Variants in FBXL13 observed in about 807,000 individuals in gnomAD.
FBXL13 encodes F-box and leucine-rich repeat protein 13.
In FBXL13, 67 loss-of-function variants were observed where a neutral mutation model predicts 83.6. The observed-to-expected ratio is 0.80, with a 90% CI of 0.66 to 0.98. The LOEUF (loss-of-function observed/expected upper bound fraction) is 0.98, where lower values mean the gene tolerates loss of function less well. Among genes scored for constraint, FBXL13 ranks in the 50% least tolerant of loss-of-function variants. The pLI is 0.00. For synonymous variants in FBXL13, 272 were observed against 299.5 expected, an observed-to-expected ratio of 0.91 and a Z score of 0.95; for missense variants, 822 against 866.5, an observed-to-expected ratio of 0.95 and a Z score of 0.64.
intron 5 of FBXL13, among the ~76,000 whole-genome samples, chr7:103,025,957 A>G (rs1413935607): frequency 6.6e-6 from 1 of 151,398 alleles, no homozygotes; most frequent in Non-Finnish European, 1.5e-5. Flanking sequence ...ATCTAGAAAA[A>G]AAGTTCTCTA....
intron 6 of FBXL13, among the ~76,000 whole-genome samples, chr7:103,018,577 CAATTTCACATGCAGAGGCA>C (rs1792684769): frequency 6.6e-6 from 1 of 152,076 alleles, no homozygotes; most frequent in African/African-American, 2.4e-5. Flanking sequence ...TTCAGGAAAC[CAATTTCACATGCAGAGGCA>C]CACATAGGCT....
intron 9 of FBXL13, among the ~76,000 whole-genome samples, chr7:102,931,284 G>A (rs1322917359): frequency 3.9e-5 from 6 of 152,224 alleles, no homozygotes; most frequent in African/African-American, 1.2e-4. Flanking sequence ...GGCTGGAAAG[G>A]GAGGCAGAGG....
chr7:102,971,805 C>G (rs1321365444), intron 6 of FBXL13, among the ~76,000 whole-genome samples: 1 of 152,018 alleles, frequency 6.6e-6, no homozygotes, highest in Admixed American at 6.6e-5. Context: ...GTGGGCGGAT[C>G]ACCTGAGGTC....
At position 102,934,285 on chromosome 7, in the gene FBXL13, G is replaced by A. The variant is rs767789939; in HGVS notation, c.725-2352C>T. 25 of 1,613,950 alleles carry A rather than the reference G, an allele frequency of 1.5e-5. No individual in the cohort carries two copies. In the Admixed American group the frequency reaches 1.8e-4, roughly 12 times the overall value. Reference sequence around the variant, plus strand: ...AGATCTCTAAAATTGAGAGTGAGGCGTTCTTTGGTTTAAACAAACTCACCA... The same window carrying A: ...AGATCTCTAAAATTGAGAGTGAGGCATTCTTTGGTTTAAACAAACTCACCA... On this transcript the variant is annotated intron_variant, in intron 8 of 19. Coordinates refer to ENST00000313221, the Ensembl canonical transcript of FBXL13.
At chr7:103,042,558 G>A (rs890550151) in intron 2 of FBXL13, among the ~76,000 whole-genome samples, 1 of 151,484 alleles carries the variant, frequency 6.6e-6, no homozygotes. Flanking sequence ...GCATCATGGA[G>A]ACTTCAAACT....
rs141998126 is a variant in FBXL13 at position 103,049,418 on chromosome 7, A to G, written c.-1+6226T>C. On this transcript the variant is annotated intron_variant, in intron 2 of 19. Coordinates refer to ENST00000313221, the Ensembl canonical transcript of FBXL13. Reference sequence around the variant, plus strand: ...AGTTACATGAACTAAAAAGCATTACAGTTTTTCTTTCAAAATATTTAAGCA... The same window carrying G: ...AGTTACATGAACTAAAAAGCATTACGGTTTTTCTTTCAAAATATTTAAGCA... Among the ~76,000 whole-genome samples, 172 of 152,350 alleles carry G rather than the reference A, an allele frequency of 1.1e-3. 1 individual carries two copies. The highest frequency in any genetic ancestry group is 4.1e-3 in the African/African-American group (170 of 41,590).
At chr7:102,962,228 T>C (rs1210697406) in intron 8 of FBXL13, among the ~76,000 whole-genome samples, 1 of 151,408 alleles carries the variant, frequency 6.6e-6, no homozygotes, top group African/African-American at 2.4e-5. Context: ...AAAAAACACA[T>C]GAAAAAATGC....
At chr7:103,036,022 C>T (rs1795032583) in intron 2 of FBXL13, among the ~76,000 whole-genome samples, 1 of 152,160 alleles carries the variant, frequency 6.6e-6, no homozygotes, top group Non-Finnish European at 1.5e-5. Flanking sequence ...AGCATTACCT[C>T]CTGAGCTCCA....
At chr7:102,944,413 T>C (rs1822070322) in intron 8 of FBXL13, 8 of 1,614,024 alleles carry the variant, frequency 5.0e-6, no homozygotes, top group Non-Finnish European at 5.9e-6. Context: ...TGGCCTGGAA[T>C]GCAAAACGCC....
At chr7:102,871,079 T>A (rs890551286) in intron 16 of FBXL13, among the ~76,000 whole-genome samples, 2 of 152,182 alleles carry the variant, frequency 1.3e-5, no homozygotes, top group Admixed American at 6.5e-5. Context: ...TGGATTCATC[T>A]TCTTCTTTCC....
At chr7:103,010,890 C>T (rs1028884653) in intron 6 of FBXL13, among the ~76,000 whole-genome samples, 1 of 152,156 alleles carries the variant, frequency 6.6e-6, no homozygotes, top group Non-Finnish European at 1.5e-5. Flanking sequence ...GAACACCCAA[C>T]AAAAGAAACA....
intron 17 of FBXL13, among the ~76,000 whole-genome samples, chr7:102,834,432 T>TTA (rs1173281749): frequency 7.6e-6 from 1 of 132,346 alleles, no homozygotes; most frequent in Non-Finnish European, 1.5e-5. Flanking sequence ...ATATGTGTGA[T>TTA]TATATATATT....
intron 10 of FBXL13, among the ~76,000 whole-genome samples, chr7:102,925,268 TCCTGTAGTC>T (rs1360563401): frequency 3.3e-5 from 5 of 151,972 alleles, no homozygotes; most frequent in African/African-American, 1.2e-4. Context: ...GGTGGCATGC[TCCTGTAGTC>T]CCAGCTACTC....
chr7:102,991,566 G>T (rs1444201345), intron 6 of FBXL13, among the ~76,000 whole-genome samples: 1 of 152,144 alleles, frequency 6.6e-6, no homozygotes, highest in Non-Finnish European at 1.5e-5. Flanking sequence ...TAGAAAGAAA[G>T]AAATTTAAGA....
intron 11 of FBXL13, among the ~76,000 whole-genome samples, chr7:102,894,016 GAA>G (rs1811939134): frequency 6.6e-6 from 1 of 151,116 alleles, no homozygotes; most frequent in South Asian, 2.1e-4. Context: ...AAAGAAAGAG[GAA>G]AGAAAAGAAA....
chr7:103,013,812 CA>C (rs200165611), intron 6 of FBXL13, among the ~76,000 whole-genome samples: 44 of 145,646 alleles, frequency 3.0e-4, no homozygotes, highest in African/African-American at 9.6e-4. Context: ...AATTAAGAGG[CA>C]AAAAAAAACC....
chr7:102,891,264 C>G (rs532050756), intron 11 of FBXL13, among the ~76,000 whole-genome samples: 4 of 152,192 alleles, frequency 2.6e-5, no homozygotes, highest in African/African-American at 9.7e-5. Context: ...CAGCCATCCC[C>G]ATCTCTATGG....
At chr7:102,895,113 T>C (rs993995072) in intron 11 of FBXL13, among the ~76,000 whole-genome samples, 2 of 152,074 alleles carry the variant, frequency 1.3e-5, no homozygotes, top group Admixed American at 6.5e-5. Flanking sequence ...AAGCAGATAA[T>C]TGAATATGTA....
intron 16 of FBXL13, among the ~76,000 whole-genome samples, chr7:102,867,688 T>C (rs1388479053): frequency 1.3e-5 from 1 of 79,510 alleles, no homozygotes; most frequent in Non-Finnish European, 2.3e-5. Context: ...TATATATATA[T>C]ATATATATTT....
Sources: gnomAD v4.1 joint callset for allele counts (sites outside exome capture counted in the v4.1 genomes callset) on GRCh38, gnomAD v4.1.1 for gene constraint, MANE v1.5 for transcripts, NCBI Gene and HGNC (gene_info 2026-07-23, HGNC 2026-07-21) for gene names.